The following GPHN variants were observed in gnomAD, a reference collection of about 807,000 sequenced individuals.
GPHN encodes the protein gephyrin.
Under a neutral mutation model 95.5 loss-of-function variants are expected in GPHN, and 17 were observed. The observed-to-expected ratio is 0.18, with a 90% CI of 0.12 to 0.27. The LOEUF is 0.27. GPHN is among the 10% of genes least tolerant of loss of function. The pLI is 1.00. For synonymous variants in GPHN, 320 were observed against 322.5 expected (o/e 0.99, Z 0.08); for missense variants, 660 against 978.1 (o/e 0.67, Z 4.34).
At chr14:67,677,190 G>C in the GPHN span, 1 of 151,988 alleles carries the variant, frequency 6.6e-6, no homozygotes, top group African/African-American at 2.4e-5. Context: ...CATTACTTTT[G>C]ATAAGAAGTC....
At chr14:67,179,725 A>C (rs914647748) in intron 22 of GPHN, 51 bp downstream of exon 22, 4 of 905,058 alleles carry the variant, frequency 4.4e-6, no homozygotes. Context: ...CTGTTAAAAC[A>C]CAAACTTATA....
the GPHN span, chr14:67,411,940 C>G: frequency 7.6e-7 from 1 of 1,313,278 alleles, no homozygotes; most frequent in Non-Finnish European, 1.0e-6. Context: ...TTCCGGGGCG[C>G]GCGTCTGGCC....
the GPHN span, among the ~76,000 whole-genome samples, chr14:67,366,821 A>G: frequency 1.4e-4 from 21 of 152,334 alleles, no homozygotes; most frequent in Non-Finnish European, 2.6e-4. Context: ...TTTGAAGGTG[A>G]GTCGACACTT....
the GPHN span, among the ~76,000 whole-genome samples, chr14:67,323,261 GTATA>G: frequency 1.6e-5 from 2 of 124,138 alleles, no homozygotes; most frequent in East Asian, 2.2e-4. Flanking sequence ...GTGTGTGTGT[GTATA>G]TATATATATG....
chr14:66,526,555 C>T (rs1022085836), intron 1 of GPHN, among the ~76,000 whole-genome samples: 1 of 152,164 alleles, frequency 6.6e-6, no homozygotes, highest in Non-Finnish European at 1.5e-5. Context: ...TTGTCTTGTG[C>T]TGGTTTTCAA....
chr14:67,508,941 G>T, the GPHN span, among the ~76,000 whole-genome samples: 2 of 151,906 alleles, frequency 1.3e-5, no homozygotes, highest in Middle Eastern at 6.8e-3. Context: ...TCATAATCAG[G>T]TCTCCACAGC....
chr14:67,081,444 A>C (rs1466849996), intron 11 of GPHN, among the ~76,000 whole-genome samples: 1 of 151,852 alleles, frequency 6.6e-6, no homozygotes, highest in African/African-American at 2.4e-5. Flanking sequence ...ATTTTTTGAC[A>C]GGATAGTTTT....
chr14:67,314,707 G>T, the GPHN span, among the ~76,000 whole-genome samples: 1 of 152,218 alleles, frequency 6.6e-6, no homozygotes, highest in Non-Finnish European at 1.5e-5. Flanking sequence ...AGATTCCAAT[G>T]ATGACATTTC....
At chr14:67,237,872 CAGG>C in the GPHN span, among the ~76,000 whole-genome samples, 1 of 152,130 alleles carries the variant, frequency 6.6e-6, no homozygotes, top group Non-Finnish European at 1.5e-5. Flanking sequence ...GCCCTTCTGA[CAGG>C]GGGGTTTAAA....
the GPHN span, among the ~76,000 whole-genome samples, chr14:67,668,220 T>A: frequency 6.6e-6 from 1 of 152,212 alleles, no homozygotes; most frequent in South Asian, 2.1e-4. Context: ...CCACAGGCAT[T>A]TAACATTGAT....
At chr14:67,560,948 C>T in the GPHN span, among the ~76,000 whole-genome samples, 1 of 152,180 alleles carries the variant, frequency 6.6e-6, no homozygotes, top group Non-Finnish European at 1.5e-5. Context: ...CCAGGCTAGT[C>T]TTGAACTCCT....
At chr14:67,445,906 A>G in the GPHN span, among the ~76,000 whole-genome samples, 1 of 152,152 alleles carries the variant, frequency 6.6e-6, no homozygotes, top group Non-Finnish European at 1.5e-5. Context: ...CAATTCACAC[A>G]GCAGCTCATG....
At chr14:66,688,480 C>T (rs1045485179) in intron 2 of GPHN, among the ~76,000 whole-genome samples, 5 of 152,166 alleles carry the variant, frequency 3.3e-5, no homozygotes, top group Non-Finnish European at 7.4e-5. Flanking sequence ...ATTGCTTTTT[C>T]AGTTTCTTTT....
At chr14:67,346,178 G>A in the GPHN span, among the ~76,000 whole-genome samples, 2 of 152,170 alleles carry the variant, frequency 1.3e-5, no homozygotes, top group East Asian at 1.9e-4. Flanking sequence ...CCCAGAGTAC[G>A]ATGACACTCT....
chr14:67,722,375 A>G, the GPHN span: 2 of 559,442 alleles, frequency 3.6e-6, no homozygotes, highest in Non-Finnish European at 6.4e-6. Flanking sequence ...TCTCTTTGCC[A>G]GTAAACCTAA....
At chr14:66,971,242 C>T (rs918252042) in intron 9 of GPHN, among the ~76,000 whole-genome samples, 1 of 152,140 alleles carries the variant, frequency 6.6e-6, no homozygotes, top group African/African-American at 2.4e-5. Context: ...GCAGGAGATT[C>T]GCTTGAACAC....
At chr14:66,875,135 G>C (rs1030230277) in intron 4 of GPHN, among the ~76,000 whole-genome samples, 1 of 152,166 alleles carries the variant, frequency 6.6e-6, no homozygotes, top group Admixed American at 6.5e-5. Context: ...TTTCAACTCA[G>C]AATTTCATAT....
chr14:67,439,807 CCTTT>C, the GPHN span, among the ~76,000 whole-genome samples: 2 of 151,608 alleles, frequency 1.3e-5, no homozygotes, highest in Non-Finnish European at 2.9e-5. Context: ...GTTAAAATGT[CCTTT>C]CTTCTCTTCT....
chr14:66,907,541 T>A (rs1366035200), intron 5 of GPHN, among the ~76,000 whole-genome samples: 2 of 152,132 alleles, frequency 1.3e-5, no homozygotes, highest in African/African-American at 4.8e-5. Context: ...CATAGAACTT[T>A]ATCACAAGGA....
Sources: allele counts gnomAD v4.1 joint callset (sites outside exome capture counted in the v4.1 genomes callset), GRCh38; gene constraint gnomAD v4.1.1; transcripts MANE v1.5; gene names NCBI Gene and HGNC (gene_info 2026-07-23, HGNC 2026-07-21).